KIF13A: variants seen among roughly 807,000 people sequenced by gnomAD.
KIF13A encodes kinesin-like protein KIF13A.
In KIF13A, 79 loss-of-function variants were observed where a neutral mutation model predicts 212.2. The observed-to-expected ratio is 0.37, with a 90% CI of 0.31 to 0.45. The LOEUF is 0.45. Ranked by LOEUF, KIF13A falls within the 20% of genes least tolerant of loss-of-function variation. The pLI, the probability that KIF13A is intolerant of heterozygous loss-of-function variation, is 1.00. For synonymous variants in KIF13A, 789 were observed against 808.6 expected (o/e 0.98, Z 0.41); for missense variants, 1,901 against 2,209.0 (o/e 0.86, Z 2.79).
rs1169198754 is a variant in KIF13A, at chr6:17,794,252, G to A, written c.3219C>T (p.Tyr1073=). 8 of 1,609,632 alleles carry A rather than the reference G, an allele frequency of 5.0e-6. No individual in the cohort carries two copies. In the East Asian group the frequency reaches 1.3e-4, roughly 27 times the overall value. ...STKLQRGLDS[Y]QRDDEDGDDM... ...ATTTTAAGTCTGCTTGTCTTACCTG[G>A]TAACTGTCCAGCCCTCTTTGGAGTT... The change falls in exon 25 of 39, where the codon TAC becomes TAT. Residue 1073 remains tyrosine, a synonymous_variant. Coordinates refer to ENST00000259711, the MANE Select transcript of KIF13A (RefSeq NM_022113.6). The surrounding 1 kb of genome is among the most constrained non-coding windows in gnomAD (Gnocchi z 4.1).
In KIF13A at chr6:17,794,874, C is replaced by A; in HGVS notation, c.2943-170G>T. 1.6e-6 allele frequency: 1 copy of A among 619,368 alleles called. No homozygotes were observed. The highest frequency in any genetic ancestry group is 2.7e-6 in the Non-Finnish European group (1 of 375,848). The allele number at this position is 619,368 out of a possible 1,614,324, so 38.4% of individuals were successfully genotyped here. ...TCAAAACCAACCTGTCATATTGTTT[C>A]TTTTTATTTATTTTACTGAGGTAGA... On this transcript the variant is annotated intron_variant, in intron 23 of 38. Transcript: ENST00000259711. This position sits in a 1 kb window ranked among gnomAD's most constrained non-coding sequence, Gnocchi z 4.1.
At chr6:17,978,388 T>A (rs1198150838) in intron 2 of KIF13A, among the ~76,000 whole-genome samples, 1 of 152,232 alleles carries the variant, frequency 6.6e-6, no homozygotes, top group African/African-American at 2.4e-5. Flanking sequence ...GTGGTCTTTT[T>A]TGAAAAGATA....
At position 17,963,514 on chromosome 6, in the gene KIF13A, C is replaced by T. The variant is rs769728508; in HGVS notation, c.146+23540G>A. On this transcript the variant is annotated intron_variant, in intron 2 of 38. Transcript: ENST00000259711. The surrounding 1 kb of genome is among the most constrained non-coding windows in gnomAD (Gnocchi z 4.1). ...TGAAGAAATATATTACCGATGACCACAAAAGGGCCCCAAGAGATTTGAGAT... is the reference window on the plus strand; with the variant it reads ...TGAAGAAATATATTACCGATGACCATAAAAGGGCCCCAAGAGATTTGAGAT... Among the ~76,000 whole-genome samples, 2 of 152,192 alleles carry T rather than the reference C, an allele frequency of 1.3e-5. No individual in the cohort carries two copies. The highest frequency in any genetic ancestry group is 2.1e-4 in the South Asian group (1 of 4,826).
rs1471418254 is a variant in KIF13A at position 17,809,151 on chromosome 6, C to G, written c.2001-221G>C. On this transcript the variant is annotated intron_variant, in intron 17 of 38. Transcript: ENST00000259711. This position sits in a 1 kb window ranked among gnomAD's most constrained non-coding sequence, Gnocchi z 4.7. ...ATTGTTGAGCAACTTAACTGAAAACCACGTTTTAAATTATGTAACACGTGA... is the reference window on the plus strand; with the variant it reads ...ATTGTTGAGCAACTTAACTGAAAACGACGTTTTAAATTATGTAACACGTGA... Among the ~76,000 whole-genome samples, 1 of 152,114 alleles carries G rather than the reference C, an allele frequency of 6.6e-6. No homozygotes were observed. Among genetic ancestry groups the G allele is most frequent in the Admixed American group, 6.6e-5 (1 of 15,266 alleles).
chr6:17,797,586 C>T (rs1762153609), intron 22 of KIF13A, among the ~76,000 whole-genome samples: 1 of 151,968 alleles, frequency 6.6e-6, no homozygotes, highest in African/African-American at 2.4e-5. Context: ...GCTTTCCTAC[C>T]CTATTTCCTC....
At chr6:17,852,444 G>A (rs564895062) in intron 6 of KIF13A, among the ~76,000 whole-genome samples, 2 of 152,252 alleles carry the variant, frequency 1.3e-5, no homozygotes, top group South Asian at 4.1e-4. Flanking sequence ...TTTTGAGACA[G>A]GGTCTCACTC....
chr6:17,824,988 A>C (rs1266514604), intron 16 of KIF13A, among the ~76,000 whole-genome samples: 1 of 152,184 alleles, frequency 6.6e-6, no homozygotes, highest in Non-Finnish European at 1.5e-5. Flanking sequence ...TCATAAAATC[A>C]TTCTAGTCCC....
rs1304534449 is a variant in KIF13A at position 17,834,114 on chromosome 6, C to T, written c.1156-43G>A. The stretch of plus-strand genomic sequence containing the variant: ...AGATATCTGATGTTCAAAATTTTTC[C>T]ACCATCATATACAAGACAATCAGTT... On this transcript the variant is annotated intron_variant, in intron 11 of 38. Coordinates refer to ENST00000259711, the MANE Select transcript of KIF13A (RefSeq NM_022113.6). The surrounding 1 kb of genome is among the most constrained non-coding windows in gnomAD (Gnocchi z 4.0). 8.7e-6 allele frequency: 11 copies of T among 1,257,666 alleles called. No homozygotes were observed. Among genetic ancestry groups the T allele is most frequent in the Middle Eastern group, 1.9e-4 (1 of 5,348 alleles). The allele number at this position is 1,257,666 out of a possible 1,614,324, so 77.9% of individuals were successfully genotyped here.
rs1024920001 is a variant in KIF13A, at chr6:17,828,071, A to G, written c.1532+169T>C. On this transcript the variant is annotated intron_variant, in intron 14 of 38. Transcript: ENST00000259711. The surrounding 1 kb of genome is among the most constrained non-coding windows in gnomAD (Gnocchi z 4.3). ...GGAACTAGAACTCGCATACAAAAAT[A>G]GTCACTCCTTCACAGTAATCACTCT... Among the ~76,000 whole-genome samples, 3 of 152,222 alleles carry G rather than the reference A, an allele frequency of 2.0e-5. No homozygotes were observed. Among genetic ancestry groups the G allele is most frequent in the Admixed American group, 2.0e-4 (3 of 15,284 alleles).
At chr6:17,933,403 C>CT (rs1776180296) in intron 2 of KIF13A, among the ~76,000 whole-genome samples, 6 of 116,304 alleles carry the variant, frequency 5.2e-5, no homozygotes, top group Middle Eastern at 4.5e-3. Flanking sequence ...ACACCCAGCT[C>CT]ATTTTTTTTT....
rs1765776928 is a variant in KIF13A at position 17,834,775 on chromosome 6, A to C, written c.1156-704T>G. 6.6e-6 allele frequency among the ~76,000 whole-genome samples: 1 copy of C among 152,214 alleles called. No individual in the cohort carries two copies. Among genetic ancestry groups the C allele is most frequent in the Non-Finnish European group, 1.5e-5 (1 of 68,042 alleles). ...CAAAGTTAAAACTCTATGAACAAGA[A>C]AGATGGCAGAGCTTGGACAAGAAGC... is the stretch of plus-strand genomic sequence containing the variant. On this transcript the variant is annotated intron_variant, in intron 11 of 38. Transcript: ENST00000259711. The surrounding 1 kb of genome is among the most constrained non-coding windows in gnomAD (Gnocchi z 4.0).
chr6:17,976,528 G>A (rs901937767), intron 2 of KIF13A, among the ~76,000 whole-genome samples: 10 of 152,084 alleles, frequency 6.6e-5, no homozygotes, highest in Admixed American at 2.0e-4. Context: ...CAGCTGGCCC[G>A]CAAGCGCGGC....
At position 17,843,038 on chromosome 6, in the gene KIF13A, A is replaced by G. The variant is rs571503981; in HGVS notation, c.831-5455T>C. Among the ~76,000 whole-genome samples, 7 of 152,270 alleles carry G rather than the reference A, an allele frequency of 4.6e-5. No homozygotes were observed. The highest frequency in any genetic ancestry group is 2.0e-4 in the Admixed American group (3 of 15,298). ...AATCAGTTCTAAGATCATATATATA[A>G]TACTTATTAAACTTTATTGGAGTTA... On this transcript the variant is annotated intron_variant, in intron 9 of 38. Coordinates refer to ENST00000259711, the MANE Select transcript of KIF13A (RefSeq NM_022113.6). This position sits in a 1 kb window ranked among gnomAD's most constrained non-coding sequence, Gnocchi z 5.3.
At position 17,838,689 on chromosome 6, in the gene KIF13A, T is replaced by C. The variant is rs374054736; in HGVS notation, c.831-1106A>G. Among the ~76,000 whole-genome samples, 11 of 152,184 alleles carry C rather than the reference T, an allele frequency of 7.2e-5. No individual in the cohort carries two copies. In the East Asian group the frequency reaches 1.5e-3, roughly 21 times the overall value. On this transcript the variant is annotated intron_variant, in intron 9 of 38. Coordinates refer to ENST00000259711, the MANE Select transcript of KIF13A (RefSeq NM_022113.6). This position sits in a 1 kb window ranked among gnomAD's most constrained non-coding sequence, Gnocchi z 4.2. ...AACAAGTCAGACACAGAAAAACAAA[T>C]ATTGCATGTCCTTACTCATAAGTGG...
chr6:17,761,134 G>T (rs1314894758), downstream of KIF13A, among the ~76,000 whole-genome samples: 1 of 152,220 alleles, frequency 6.6e-6, no homozygotes, highest in African/African-American at 2.4e-5. Context: ...TGGATGTGCA[G>T]TCTAAGTCAT....
At chr6:17,818,799 G>C (rs1764175422) in intron 16 of KIF13A, among the ~76,000 whole-genome samples, 1 of 152,144 alleles carries the variant, frequency 6.6e-6, no homozygotes, top group Non-Finnish European at 1.5e-5. Context: ...ATTGGCTGGG[G>C]TAGGACATTC....
chr6:17,942,506 T>C (rs1374837669), intron 2 of KIF13A, among the ~76,000 whole-genome samples: 1 of 152,124 alleles, frequency 6.6e-6, no homozygotes, highest in African/African-American at 2.4e-5. Context: ...CCTCATAAAG[T>C]TGCAGCAAGT....
At position 17,934,987 on chromosome 6, in the gene KIF13A, C is replaced by T. The variant is rs570614387; in HGVS notation, c.147-36807G>A. Among the ~76,000 whole-genome samples, 2 of 152,100 alleles carry T rather than the reference C, an allele frequency of 1.3e-5. No individual in the cohort carries two copies. Among genetic ancestry groups the T allele is most frequent in the African/African-American group, 4.8e-5 (2 of 41,416 alleles). On this transcript the variant is annotated intron_variant, in intron 2 of 38. Transcript: ENST00000259711. The surrounding 1 kb of genome is among the most constrained non-coding windows in gnomAD (Gnocchi z 5.4). Reference sequence around the variant, plus strand: ...ATACCTGAAGCAAGTTCCTTTACACCTGTGCTCCAGGCTTCCCACCACGCT... The same window carrying T: ...ATACCTGAAGCAAGTTCCTTTACACTTGTGCTCCAGGCTTCCCACCACGCT...
At chr6:17,909,632 TGCCTG>T (rs1439520932) in intron 2 of KIF13A, among the ~76,000 whole-genome samples, 1 of 151,928 alleles carries the variant, frequency 6.6e-6, no homozygotes, top group East Asian at 1.9e-4. Flanking sequence ...TGGTGGCTCA[TGCCTG>T]TAATCCCGGC....
Sources: gnomAD v4.1 joint callset for allele counts (sites outside exome capture counted in the v4.1 genomes callset) on GRCh38, gnomAD v4.1.1 for gene constraint, Gnocchi (gnomAD v3.1) non-coding constraint, MANE v1.5 for transcripts, NCBI Gene and HGNC (gene_info 2026-07-23, HGNC 2026-07-21) for gene names.